Variants in NTM observed in about 807,000 individuals in gnomAD.
NTM encodes the protein neurotrimin, also known as IgLON family member 2.
NTM carries 13 observed loss-of-function variants against 42.1 expected under a neutral mutation model. The observed-to-expected ratio is 0.31, with a 90% CI of 0.20 to 0.49. The LOEUF (loss-of-function observed/expected upper bound fraction) is 0.49, where lower values mean the gene tolerates loss of function less well. NTM is among the 20% of genes least tolerant of loss of function. The pLI is 0.99. For synonymous variants in NTM, 187 were observed against 179.2 expected (o/e 1.04, Z -0.35); for missense variants, 373 against 452.8 (o/e 0.82, Z 1.60).
At chr11:131,431,040 G>A (rs756217802) in intron 1 of NTM, among the ~76,000 whole-genome samples, 10 of 152,232 alleles carry the variant, frequency 6.6e-5, no homozygotes, top group South Asian at 4.1e-4. Context: ...ATTTGCAGCC[G>A]TTCCACACAG....
At chr11:132,048,761 A>G (rs889072772) in intron 2 of NTM, among the ~76,000 whole-genome samples, 3 of 152,090 alleles carry the variant, frequency 2.0e-5, no homozygotes, top group African/African-American at 7.2e-5. Flanking sequence ...ATCGACAACA[A>G]GAACACAAAA....
At chr11:131,599,789 A>T (rs939352497) in intron 1 of NTM, among the ~76,000 whole-genome samples, 1 of 152,218 alleles carries the variant, frequency 6.6e-6, no homozygotes, top group Non-Finnish European at 1.5e-5. Flanking sequence ...AAGGCTTCCC[A>T]GAGAAGTCAA....
At chr11:132,170,188 T>C (rs1278100016) in intron 3 of NTM, among the ~76,000 whole-genome samples, 3 of 152,074 alleles carry the variant, frequency 2.0e-5, no homozygotes, top group African/African-American at 7.2e-5. Context: ...GAAGAAACTG[T>C]GTCCTTCATT....
At chr11:132,311,722 C>T (rs1387466364) in intron 6 of NTM, among the ~76,000 whole-genome samples, 1 of 152,208 alleles carries the variant, frequency 6.6e-6, no homozygotes, top group Admixed American at 6.5e-5. Context: ...AAGTCATCAG[C>T]TGCGTCCTAT....
At chr11:131,763,707 C>CTTTTTTTTTTTT (rs1443279848) in intron 1 of NTM, among the ~76,000 whole-genome samples, 9 of 60,758 alleles carry the variant, frequency 1.5e-4, no homozygotes, top group African/African-American at 3.5e-4. Flanking sequence ...CCATCTCTCT[C>CTTTTTTTTTTTT]TCTTTTTTTT....
At chr11:131,877,007 A>C (rs1348210317) in intron 1 of NTM, among the ~76,000 whole-genome samples, 1 of 152,026 alleles carries the variant, frequency 6.6e-6, no homozygotes, top group Admixed American at 6.5e-5. Flanking sequence ...TACAGGCATG[A>C]GCCACCGTAT....
intron 1 of NTM, among the ~76,000 whole-genome samples, chr11:131,892,171 TCTC>T (rs2051462485): frequency 6.6e-6 from 1 of 152,044 alleles, no homozygotes; most frequent in Non-Finnish European, 1.5e-5. Context: ...TCCTCCTCCT[TCTC>T]CTCCGCCTTC....
intron 2 of NTM, among the ~76,000 whole-genome samples, chr11:132,056,151 G>T (rs1346046752): frequency 6.6e-6 from 1 of 152,162 alleles, no homozygotes; most frequent in Non-Finnish European, 1.5e-5. Context: ...GTAAAATTAA[G>T]AATTAAAAGT....
intron 2 of NTM, among the ~76,000 whole-genome samples, chr11:131,959,224 C>A (rs2061871993): frequency 6.6e-6 from 1 of 152,164 alleles, no homozygotes; most frequent in African/African-American, 2.4e-5. Flanking sequence ...CCAATCTTTT[C>A]TCAGAAGAGA....
At chr11:132,273,015 T>C (rs2139713286) in intron 4 of NTM, among the ~76,000 whole-genome samples, 1 of 152,212 alleles carries the variant, frequency 6.6e-6, no homozygotes, top group Admixed American at 6.5e-5. Context: ...TTGTTTTTGT[T>C]TTTGTTTTTT....
Position 131,730,649 on chromosome 11 carries a change from C to A in NTM, c.83-180915C>A, listed in dbSNP as rs1008279050. Among the ~76,000 whole-genome samples the A allele has an allele frequency of 2.6e-5, 4 of 151,650 alleles. No homozygotes were observed. The East Asian group carries it at 7.8e-4, about 30-fold the overall frequency. On this transcript the variant is annotated intron_variant, in intron 1 of 8. Coordinates refer to ENST00000683400, the MANE Select transcript of NTM (RefSeq NM_001352005.2). Reference sequence around the variant, plus strand: ...CTGGGGGATTGTTCGAGCCTAGGAGCTTAAGGCTGTAATGAGCTGTGATCA... The same window carrying A: ...CTGGGGGATTGTTCGAGCCTAGGAGATTAAGGCTGTAATGAGCTGTGATCA...
chr11:131,809,293 G>T (rs140069409), intron 1 of NTM, among the ~76,000 whole-genome samples: 3 of 152,174 alleles, frequency 2.0e-5, no homozygotes, highest in African/African-American at 7.2e-5. Flanking sequence ...CATCCTCCCC[G>T]CACTGCCAGC....
chr11:132,288,127 G>C (rs757007415), intron 4 of NTM, among the ~76,000 whole-genome samples: 2 of 152,204 alleles, frequency 1.3e-5, no homozygotes, highest in Non-Finnish European at 2.9e-5. Flanking sequence ...GAAGCAGACA[G>C]TTCTGCCAAC....
intron 2 of NTM, among the ~76,000 whole-genome samples, chr11:132,063,156 G>A (rs553684724): frequency 1.3e-5 from 2 of 152,238 alleles, no homozygotes; most frequent in East Asian, 3.9e-4. Context: ...TGTGGTAGAA[G>A]GGGCAAGGGG....
At chr11:131,685,493 C>G (rs749542000) in intron 1 of NTM, among the ~76,000 whole-genome samples, 1 of 152,206 alleles carries the variant, frequency 6.6e-6, no homozygotes, top group Non-Finnish European at 1.5e-5. Flanking sequence ...ACATTGGCCT[C>G]CATCTTCAGC....
At chr11:131,419,677 G>A (rs1345133278) in intron 1 of NTM, among the ~76,000 whole-genome samples, 1 of 152,202 alleles carries the variant, frequency 6.6e-6, no homozygotes, top group Non-Finnish European at 1.5e-5. Context: ...GTAGGTGGTT[G>A]AAGGCCATAA....
At chr11:132,111,301 T>A (rs899691700) in intron 2 of NTM, among the ~76,000 whole-genome samples, 3 of 151,566 alleles carry the variant, frequency 2.0e-5, no homozygotes, top group Admixed American at 1.3e-4. Context: ...ATTTTTTATA[T>A]ATACATATAT....
chr11:132,208,253 C>T (rs2082287259), intron 3 of NTM, among the ~76,000 whole-genome samples: 2 of 152,220 alleles, frequency 1.3e-5, no homozygotes, highest in African/African-American at 2.4e-5. Flanking sequence ...GTCTTGAATA[C>T]TGACAATGTA....
intron 1 of NTM, among the ~76,000 whole-genome samples, chr11:131,415,166 C>T (rs1489343508): frequency 5.3e-5 from 8 of 152,126 alleles, no homozygotes; most frequent in Non-Finnish European, 7.4e-5. Context: ...AAAAAGGATC[C>T]TAGGTGTGAT....
Sources: allele counts gnomAD v4.1 joint callset (sites outside exome capture counted in the v4.1 genomes callset), GRCh38; gene constraint gnomAD v4.1.1; transcripts MANE v1.5; gene names NCBI Gene and HGNC (gene_info 2026-07-23, HGNC 2026-07-21).